PAPPA: variants seen among roughly 807,000 people sequenced by gnomAD.
The protein encoded by PAPPA is pappalysin 1, also known as pappalysin-1.
PAPPA carries 60 observed loss-of-function variants against 164.0 expected under a neutral mutation model. The observed-to-expected ratio is 0.37, with a 90% CI of 0.30 to 0.45. The LOEUF (loss-of-function observed/expected upper bound fraction) is 0.45. PAPPA is among the 20% of genes least tolerant of loss of function. The pLI is 1.00. For synonymous variants in PAPPA, 875 were observed against 814.1 expected (o/e 1.07, Z -1.27); for missense variants, 1,782 against 2,087.3 (o/e 0.85, Z 2.85).
intron 7 of PAPPA, among the ~76,000 whole-genome samples, chr9:116,253,366 C>T (rs898929827): frequency 1.3e-5 from 2 of 152,106 alleles, no homozygotes; most frequent in South Asian, 2.1e-4. Flanking sequence ...GAGCTTCATA[C>T]ATTTTTTTAA....
At chr9:116,279,082 T>C (rs1263976894) in intron 9 of PAPPA, among the ~76,000 whole-genome samples, 3 of 152,218 alleles carry the variant, frequency 2.0e-5, no homozygotes, top group Admixed American at 2.0e-4. Context: ...TAGTTCTCAG[T>C]TTCCCCACTG....
chr9:116,188,363 G>A (rs1424655812), intron 2 of PAPPA, 147 bp downstream of exon 2: 6 of 623,936 alleles, frequency 9.6e-6, no homozygotes, highest in African/African-American at 3.7e-5. Flanking sequence ...TCTTTTACTC[G>A]GGTCATTGTG....
At position 116,159,450 on chromosome 9, in the gene PAPPA, A is replaced by G. The variant is rs893886019; in HGVS notation, c.415+4863A>G. ...AGTAGATAATGTATCTTGGGGAACA[A>G]TTAGACTCCTTCAAATACCTTTCTT... On this transcript the variant is annotated intron_variant, in intron 1 of 21. Coordinates refer to ENST00000328252, the MANE Select transcript of PAPPA (RefSeq NM_002581.5). Among the ~76,000 whole-genome samples the G allele has an allele frequency of 2.0e-5, 3 of 152,198 alleles. No homozygotes were observed. In the East Asian group the frequency reaches 5.8e-4, roughly 29 times the overall value.
At chr9:116,326,900 T>G (rs1395732583) in intron 10 of PAPPA, among the ~76,000 whole-genome samples, 1 of 152,242 alleles carries the variant, frequency 6.6e-6, no homozygotes, top group Admixed American at 6.5e-5. Flanking sequence ...TTCCTCTTAT[T>G]GCAGATTGCA....
intron 9 of PAPPA, among the ~76,000 whole-genome samples, chr9:116,300,659 A>C (rs1215222473): frequency 6.6e-6 from 1 of 152,180 alleles, no homozygotes; most frequent in East Asian, 1.9e-4. Flanking sequence ...GAAGTTCAGC[A>C]TTCTGGTGCC....
chr9:116,235,619 A>G lies in PAPPA; in HGVS notation c.2714A>G (p.Asn905Ser), dbSNP rs776193433. ...QMDVASILHL[N>S]RKFVDMDLNL... Reference sequence around the variant, plus strand: ...GATGTGGCCTCCATCCTACATCTCAATAGGAAATTCGTAGACATGTAAGTG... The same window carrying G: ...GATGTGGCCTCCATCCTACATCTCAGTAGGAAATTCGTAGACATGTAAGTG... The change falls in exon 7 of 22, where the codon AAT becomes AGT. Residue 905 changes from asparagine (N) to serine (S), a missense_variant. Asn to Ser is a conservative substitution (Grantham distance 46). Transcript: ENST00000328252. 1.2e-6 allele frequency: 2 copies of G among 1,613,188 alleles called. No individual in the cohort carries two copies. Among genetic ancestry groups the G allele is most frequent in the South Asian group, 1.1e-5 (1 of 91,020 alleles).
intron 7 of PAPPA, among the ~76,000 whole-genome samples, chr9:116,258,701 A>G (rs949065272): frequency 1.3e-5 from 2 of 152,200 alleles, no homozygotes; most frequent in South Asian, 2.1e-4. Context: ...AAGTACTGAA[A>G]TGATATATGG....
chr9:116,157,094 G>C (rs77759594), intron 1 of PAPPA, among the ~76,000 whole-genome samples: 179 of 152,326 alleles, frequency 1.2e-3, no homozygotes, highest in Non-Finnish European at 2.0e-3. Flanking sequence ...CTTGCTGTCA[G>C]GCCAGGCTGC....
chr9:116,184,116 G>T (rs775769135), intron 1 of PAPPA, among the ~76,000 whole-genome samples: 1 of 152,122 alleles, frequency 6.6e-6, no homozygotes, highest in Non-Finnish European at 1.5e-5. Flanking sequence ...TGAGGGATAG[G>T]GTTAGCTGGG....
intron 9 of PAPPA, chr9:116,287,134 G>A (rs1486755924): frequency 1.3e-5 from 2 of 152,210 alleles, no homozygotes; most frequent in Non-Finnish European, 2.9e-5. Flanking sequence ...CAATTTCATT[G>A]TCTGTAAAAT....
intron 2 of PAPPA, 131 bp from the exon 3 acceptor site, chr9:116,207,325 A>G: frequency 1.6e-6 from 1 of 617,572 alleles, no homozygotes; most frequent in Non-Finnish European, 2.7e-6. Flanking sequence ...TTATTGGGGG[A>G]ATTCAATAAG....
At chr9:116,358,062 G>A (rs1846376537) in intron 17 of PAPPA, among the ~76,000 whole-genome samples, 2 of 152,124 alleles carry the variant, frequency 1.3e-5, no homozygotes, top group Admixed American at 1.3e-4. Context: ...TTCATTTCCG[G>A]GTTGTTAAAT....
Position 116,187,699 on chromosome 9 carries a change from A to G in PAPPA, c.961A>G (p.Ser321Gly). 1 of 1,614,252 alleles carries G rather than the reference A, an allele frequency of 6.2e-7. No homozygotes were observed. Residue 321 changes from serine to glycine, a missense_variant, in exon 2 of 22, where the codon AGT becomes GGT. By Grantham distance (56) the Ser-to-Gly change is moderately conservative. This residue lies in a region of PAPPA where 458 missense variants were observed against 430.3 expected (regional missense o/e 1.06). Coordinates refer to ENST00000328252, the MANE Select transcript of PAPPA (RefSeq NM_002581.5). The surrounding 1 kb of genome is among the most constrained non-coding windows in gnomAD (Gnocchi z 4.2). Reference protein sequence around the residue: ...SNAHGFLLDTSLEPPLCGQTL... With the variant: ...SNAHGFLLDTGLEPPLCGQTL... ...TGCCCACGGCTTTCTGCTGGACACG[A>G]GTCTGGAGCCTCCTCTGTGCGGACA...
At chr9:116,172,902 T>G (rs1441735349) in intron 1 of PAPPA, among the ~76,000 whole-genome samples, 1 of 152,128 alleles carries the variant, frequency 6.6e-6, no homozygotes, top group African/African-American at 2.4e-5. Flanking sequence ...TTTTACAGAG[T>G]CTACCATGTA....
At chr9:116,282,094 A>G (rs960222330) in intron 9 of PAPPA, among the ~76,000 whole-genome samples, 4 of 152,342 alleles carry the variant, frequency 2.6e-5, no homozygotes, top group Non-Finnish European at 4.4e-5. Flanking sequence ...GTCATCCCTC[A>G]GTATCCTTGG....
chr9:116,338,240 C>T (rs1446063034), intron 13 of PAPPA, among the ~76,000 whole-genome samples: 2 of 152,180 alleles, frequency 1.3e-5, no homozygotes, highest in South Asian at 2.1e-4. Context: ...CTTTCTTCCT[C>T]TCACTCTTTT....
chr9:116,305,781 C>A (rs1310090962), intron 10 of PAPPA, among the ~76,000 whole-genome samples: 4 of 152,140 alleles, frequency 2.6e-5, no homozygotes, highest in African/African-American at 7.2e-5. Context: ...TCCTTGGGAA[C>A]ATGAGGTCAC....
intron 7 of PAPPA, among the ~76,000 whole-genome samples, 171 bp downstream of exon 7, chr9:116,235,808 C>A (rs924089647): frequency 1.2e-4 from 18 of 151,140 alleles, no homozygotes; most frequent in Middle Eastern, 3.4e-3. Context: ...GAGTTGATAT[C>A]ATGGGAAGAG....
At position 116,172,887 on chromosome 9, in the gene PAPPA, C is replaced by T. The variant is rs78947502; in HGVS notation, c.416-14267C>T. Among the ~76,000 whole-genome samples the T allele has an allele frequency of 6.3e-3, 952 of 152,270 alleles. 35 individuals are homozygous for T. In the East Asian group the frequency reaches 0.11, roughly 17 times the overall value. ...AATTTAGTTTGTACTATGCATTCCA[C>T]GATGTTTTACAGAGTCTACCATGTA... On this transcript the variant is annotated intron_variant, in intron 1 of 21. Transcript: ENST00000328252.
Sources: gnomAD v4.1 joint callset for allele counts (sites outside exome capture counted in the v4.1 genomes callset) on GRCh38, gnomAD v4.1.1 for gene constraint, gnomAD v4.1.1 regional missense constraint, Gnocchi (gnomAD v3.1) non-coding constraint, MANE v1.5 for transcripts, NCBI Gene and HGNC (gene_info 2026-07-23, HGNC 2026-07-21) for gene names.